Variants in CLEC12A observed in about 807,000 individuals in gnomAD.
CLEC12A encodes C-type lectin protein CLL-1.
Under a neutral mutation model 26.5 loss-of-function variants are expected in CLEC12A, and 22 were observed. The observed-to-expected ratio is 0.83, with a 90% CI of 0.59 to 1.19. The LOEUF (loss-of-function observed/expected upper bound fraction) is 1.19. Ranked by LOEUF, CLEC12A falls within the 50% of genes most tolerant of loss-of-function variation. The pLI is 0.00. For synonymous variants in CLEC12A, 119 were observed against 101.9 expected, an observed-to-expected ratio of 1.17 and a Z score of -1.01; for missense variants, 353 against 315.6, an observed-to-expected ratio of 1.12 and a Z score of -0.90.
intron 3 of CLEC12A, 131 bp from the exon 4 acceptor site, chr12:9,980,451 G>C (rs1448297508): frequency 1.0e-6 from 1 of 994,590 alleles, no homozygotes; most frequent in Non-Finnish European, 1.5e-6. Flanking sequence ...AAAAAAAAGG[G>C]GGAAAGAGAG....
chr12:9,960,708 TTGC>T (rs1591812103), intron 1 of CLEC12A, among the ~76,000 whole-genome samples: 4 of 152,226 alleles, frequency 2.6e-5, no homozygotes, highest in African/African-American at 9.6e-5. Flanking sequence ...TTTGTTTGTT[TTGC>T]TTTGGAACAT....
At chr12:9,973,322 T>G (rs1252880186) in intron 1 of CLEC12A, among the ~76,000 whole-genome samples, 3 of 152,022 alleles carry the variant, frequency 2.0e-5, no homozygotes, top group Non-Finnish European at 4.4e-5. Flanking sequence ...TTTAATTAAC[T>G]GGGCACCCAT....
chr12:10,002,447 T>TTG, the CLEC12A span, among the ~76,000 whole-genome samples: 5 of 34,970 alleles, frequency 1.4e-4, 1 homozygote, highest in Admixed American at 1.3e-3. Flanking sequence ...AATGTTTTTT[T>TTG]TTTTTTTTTT....
chr12:9,993,229 T>C, intron 4 of CLEC12A: 1 of 1,612,908 alleles, frequency 6.2e-7, no homozygotes, highest in Non-Finnish European at 8.5e-7. Context: ...GGGTGCATTT[T>C]CCCATTATGA....
At chr12:9,996,877 G>C, downstream of CLEC12A, 2 of 1,614,078 alleles carry the variant, frequency 1.2e-6, no homozygotes, top group Non-Finnish European at 1.7e-6. Flanking sequence ...CTTCAGGAGA[G>C]TAGCATTCAT....
rs202115320 is a variant in CLEC12A, at chr12:9,993,168, A to T, written n.1005-1850A>T. On this transcript the variant is annotated intron_variant and non_coding_transcript_variant, in intron 4 of 4. Coordinates refer to the CLEC12A transcript ENST00000449959. Reference sequence around the variant, plus strand: ...TTAAGGTAGTTGGTCCACCTTGGTCATGCCAGCCTTCCTCTCACACATTAA... The same window carrying T: ...TTAAGGTAGTTGGTCCACCTTGGTCTTGCCAGCCTTCCTCTCACACATTAA... 1.1e-4 allele frequency: 181 copies of T among 1,611,636 alleles called. No homozygotes were observed. The highest frequency in any genetic ancestry group is 1.5e-4 in the Non-Finnish European group (171 of 1,178,826).
chr12:9,989,298 G>T (rs1343051676), downstream of CLEC12A, among the ~76,000 whole-genome samples: 1 of 151,926 alleles, frequency 6.6e-6, no homozygotes, highest in Non-Finnish European at 1.5e-5. Context: ...CACCAACATG[G>T]CACATGTATA....
chr12:9,963,261 G>C lies in CLEC12A; in HGVS notation c.11-8316G>C, dbSNP rs7315936. 5.8e-3 allele frequency among the ~76,000 whole-genome samples: 879 copies of C among 152,012 alleles called. 5 individuals carry two copies. Among genetic ancestry groups the C allele is most frequent in the Non-Finnish European group, 9.4e-3 (642 of 67,990 alleles). On this transcript the variant is annotated intron_variant, in intron 1 of 6. Transcript: ENST00000355690. ...TGGCAAGTTTTTGGGCTCTATCCTT[G>C]AGTTTTTTATGTTGTCATACACCAG...
downstream of CLEC12A, among the ~76,000 whole-genome samples, chr12:9,990,168 C>T (rs1190743928): frequency 1.3e-5 from 2 of 152,136 alleles, no homozygotes; most frequent in African/African-American, 4.8e-5. Flanking sequence ...TTTTCTGCAA[C>T]CAACAAATCA....
At chr12:9,968,472 A>G (rs1216093709), upstream of CLEC12A, among the ~76,000 whole-genome samples, 2 of 152,142 alleles carry the variant, frequency 1.3e-5, no homozygotes, top group Non-Finnish European at 2.9e-5. Flanking sequence ...AGTGGGGGTA[A>G]CAAGGTGCTC....
chr12:9,981,958 T>C, intron 4 of CLEC12A, 62 bp from the exon 5 acceptor site: 1 of 804,446 alleles, frequency 1.2e-6, no homozygotes, highest in South Asian at 1.6e-5. Flanking sequence ...GAAATTACAT[T>C]ATAATGTAAA....
intron 1 of CLEC12A, among the ~76,000 whole-genome samples, chr12:9,962,215 C>G (rs1466086): frequency 0.29 from 42,929 of 146,558 alleles, 6,372 homozygotes; most frequent in East Asian, 0.46. Flanking sequence ...GTTATTTTAT[C>G]TTCTTAAATT....
At chr12:9,969,183 G>A (rs1431708672), upstream of CLEC12A, among the ~76,000 whole-genome samples, 6 of 152,126 alleles carry the variant, frequency 3.9e-5, no homozygotes, top group African/African-American at 1.4e-4. Flanking sequence ...TGATAGTACA[G>A]TGGGAAAACT....
chr12:9,986,515 T>A (rs80301234), downstream of CLEC12A, among the ~76,000 whole-genome samples: 1 of 150,296 alleles, frequency 6.7e-6, no homozygotes, highest in Non-Finnish European at 1.5e-5. Context: ...TAATTTTGCA[T>A]AAAAGGCAGC....
downstream of CLEC12A, among the ~76,000 whole-genome samples, chr12:9,986,413 A>AT (rs889240632): frequency 1.4e-5 from 1 of 72,198 alleles, no homozygotes; most frequent in Non-Finnish European, 2.8e-5. Context: ...CAATTCCTTT[A>AT]TCCCCCCCCC....
chr12:9,990,498 G>C (rs191361944), downstream of CLEC12A, among the ~76,000 whole-genome samples: 3 of 152,346 alleles, frequency 2.0e-5, no homozygotes, highest in African/African-American at 7.2e-5. Flanking sequence ...GGAGCCTGAA[G>C]ATGTGGCTGA....
intron 1 of CLEC12A, among the ~76,000 whole-genome samples, chr12:9,974,733 A>T (rs1864263711): frequency 6.6e-6 from 1 of 152,158 alleles, no homozygotes; most frequent in African/African-American, 2.4e-5. Flanking sequence ...TGAAACTCAG[A>T]CACAGAGATG....
rs139618235 is a variant in CLEC12A at position 9,994,884 on chromosome 12, T to C, written n.1005-134T>C. On this transcript the variant is annotated intron_variant and non_coding_transcript_variant, in intron 4 of 4. Coordinates refer to the CLEC12A transcript ENST00000449959. ...ACACATACATGCACACAGTGTTCCA[T>C]GGTAAGGTTGAATGTAAAAATGAAT... The C allele has an allele frequency of 1.2e-3, 918 of 790,184 alleles. 6 individuals are homozygous for C. The African/African-American group carries it at 0.014, about 12-fold the overall frequency. 48.9% of individuals were successfully genotyped at this position (790,184 alleles called of 1,614,324 possible).
downstream of CLEC12A, among the ~76,000 whole-genome samples, chr12:9,986,736 G>A (rs969079255): frequency 1.3e-5 from 2 of 152,064 alleles, no homozygotes; most frequent in African/African-American, 4.8e-5. Flanking sequence ...GCTTGAACCC[G>A]GGAGGCAAAG....
Sources: allele counts gnomAD v4.1 joint callset (sites outside exome capture counted in the v4.1 genomes callset), GRCh38; gene constraint gnomAD v4.1.1; transcripts MANE v1.5; gene names NCBI Gene and HGNC (gene_info 2026-07-23, HGNC 2026-07-21).